The following DCLK1 variants were observed in gnomAD, a reference collection of about 807,000 sequenced individuals.
DCLK1 encodes the protein serine/threonine-protein kinase DCLK1.
A neutral mutation model predicts 86.2 loss-of-function variants in DCLK1; 16 were observed. The observed-to-expected ratio is 0.19, with a 90% CI of 0.13 to 0.28. The LOEUF is 0.28. Ranked by LOEUF, DCLK1 falls within the 10% of genes least tolerant of loss-of-function variation. The pLI is 1.00. For synonymous variants in DCLK1, 369 were observed against 370.5 expected (o/e 1.00, Z 0.05); for missense variants, 590 against 940.2 (o/e 0.63, Z 4.87).
rs1158072305 is a variant in DCLK1 at position 35,879,482 on chromosome 13, C to G, written c.824-8142G>C. Among the ~76,000 whole-genome samples, 3 of 152,200 alleles carry G rather than the reference C, an allele frequency of 2.0e-5. No individual in the cohort carries two copies. In the East Asian group the frequency reaches 5.8e-4, roughly 29 times the overall value. Reference sequence around the variant, plus strand: ...ATGATTCTCCTTTCCAAACCCTTTCCTTTTCCCTAACAGTCACATAAGAGA... The same window carrying G: ...ATGATTCTCCTTTCCAAACCCTTTCGTTTTCCCTAACAGTCACATAAGAGA... On this transcript the variant is annotated intron_variant, in intron 4 of 16. Coordinates refer to ENST00000360631, the MANE Select transcript of DCLK1 (RefSeq NM_001330071.2).
intron 6 of DCLK1, chr13:35,848,181 C>T (rs1384544059): frequency 5.1e-6 from 5 of 985,188 alleles, no homozygotes; most frequent in Non-Finnish European, 4.8e-6. Flanking sequence ...AAGCATTCCC[C>T]GCTCAGTAGA....
intron 5 of DCLK1, among the ~76,000 whole-genome samples, chr13:35,857,849 C>T (rs375085755): frequency 2.0e-4 from 31 of 152,214 alleles, no homozygotes; most frequent in Middle Eastern, 6.8e-3. Flanking sequence ...AGAAAGGAGG[C>T]CAGTGTGGTA....
At chr13:35,865,082 T>C (rs929289406) in intron 5 of DCLK1, among the ~76,000 whole-genome samples, 1 of 152,194 alleles carries the variant, frequency 6.6e-6, no homozygotes, top group African/African-American at 2.4e-5. Flanking sequence ...TAAAGCCAAC[T>C]GAAATTTTAT....
intron 11 of DCLK1, among the ~76,000 whole-genome samples, chr13:35,818,731 T>TA (rs1292727096): frequency 1.3e-5 from 2 of 152,132 alleles, no homozygotes; most frequent in Non-Finnish European, 2.9e-5. Context: ...TGATGGTTTT[T>TA]ATTGCTAAGG....
intron 14 of DCLK1, among the ~76,000 whole-genome samples, chr13:35,806,064 GA>G (rs1456056470): frequency 6.6e-6 from 1 of 151,974 alleles, no homozygotes; most frequent in African/African-American, 2.4e-5. Flanking sequence ...ACAAGTTAAG[GA>G]ATTAATATTC....
intron 6 of DCLK1, among the ~76,000 whole-genome samples, chr13:35,840,291 G>T (rs554318771): frequency 1.4e-4 from 21 of 152,250 alleles, no homozygotes; most frequent in African/African-American, 5.1e-4. Context: ...TTTCATTATG[G>T]TCTACAGTAT....
At chr13:35,883,993 C>T (rs577253078) in intron 4 of DCLK1, among the ~76,000 whole-genome samples, 1 of 152,262 alleles carries the variant, frequency 6.6e-6, no homozygotes, top group South Asian at 2.1e-4. Context: ...TTTAAAAATG[C>T]AGATTCCCTG....
At chr13:36,003,559 A>G (rs111695812) in intron 3 of DCLK1, among the ~76,000 whole-genome samples, 22 of 152,240 alleles carry the variant, frequency 1.4e-4, no homozygotes, top group Non-Finnish European at 2.2e-4. Context: ...AGATTTGCTT[A>G]TAAAGGCTGA....
chr13:35,794,619 G>A (rs377279373), intron 15 of DCLK1, among the ~76,000 whole-genome samples: 6 of 152,180 alleles, frequency 3.9e-5, no homozygotes, highest in East Asian at 1.9e-4. Context: ...ACTACAGTAC[G>A]TGGGGGAGAA....
rs919377986 is a variant in DCLK1, at chr13:35,774,474, G to C, written c.*61C>G. 15 of 1,534,026 alleles carry C rather than the reference G, an allele frequency of 9.8e-6. No individual in the cohort carries two copies. The highest frequency in any genetic ancestry group is 1.2e-5 in the Non-Finnish European group (14 of 1,135,352). ...AGATGAAACTGTTTTACACAAATTT[G>C]GGGGAAAAAAATCTCAGAGTCTCAA... On this transcript the variant is annotated 3_prime_UTR_variant, in exon 17 of 17. Transcript: ENST00000360631.
Position 35,810,912 on chromosome 13 carries a change from G to A in DCLK1, c.1611C>T (p.Ala537=), listed in dbSNP as rs773084272. The A allele has an allele frequency of 1.2e-6, 2 of 1,614,048 alleles. No individual in the cohort carries two copies. Among genetic ancestry groups the A allele is most frequent in the South Asian group, 2.2e-5 (2 of 91,076 alleles). Residue 537 remains alanine (A), a synonymous_variant, in exon 12 of 17, where the codon GCC becomes GCT. Coordinates refer to ENST00000360631, the MANE Select transcript of DCLK1 (RefSeq NM_001330071.2). The part of the protein sequence containing the change: ...KSLKLGDFGL[A]TIVDGPLYTV... ...TGTACAGGGGGCCGTCTACAATGGT[G>A]GCCAGTCCAAAGTCACCCAGCTTCA...
At chr13:35,783,201 G>C (rs1011863075) in intron 16 of DCLK1, among the ~76,000 whole-genome samples, 1 of 152,228 alleles carries the variant, frequency 6.6e-6, no homozygotes, top group African/African-American at 2.4e-5. Context: ...CATTAAAACA[G>C]TTTATGATTC....
At chr13:35,848,766 C>G in intron 6 of DCLK1, 1 of 985,278 alleles carries the variant, frequency 1.0e-6, no homozygotes, top group South Asian at 4.7e-5. Context: ...AGTAACTGTT[C>G]CACTGCTTTC....
chr13:36,002,158 A>G (rs578249355), intron 3 of DCLK1, among the ~76,000 whole-genome samples: 2 of 152,200 alleles, frequency 1.3e-5, no homozygotes, highest in African/African-American at 2.4e-5. Context: ...TGAAGCCTAT[A>G]TAAGCACAGG....
chr13:35,941,187 T>A (rs570474666), intron 4 of DCLK1, among the ~76,000 whole-genome samples: 1 of 151,944 alleles, frequency 6.6e-6, no homozygotes, highest in South Asian at 2.1e-4. Flanking sequence ...AAGTAATCAC[T>A]TTTTTTTGCC....
chr13:35,984,780 A>T (rs1593792857), intron 3 of DCLK1, among the ~76,000 whole-genome samples: 1 of 149,534 alleles, frequency 6.7e-6, no homozygotes, highest in Non-Finnish European at 1.5e-5. Flanking sequence ...TCTCTTCACT[A>T]CCCCCCAGGC....
At chr13:35,902,444 G>C (rs1227483402) in intron 4 of DCLK1, among the ~76,000 whole-genome samples, 3 of 152,142 alleles carry the variant, frequency 2.0e-5, no homozygotes, top group African/African-American at 7.2e-5. Context: ...TATCCTGGCA[G>C]GATAGCATGC....
At chr13:36,104,874 G>C (rs532746828) in intron 3 of DCLK1, among the ~76,000 whole-genome samples, 1 of 152,152 alleles carries the variant, frequency 6.6e-6, no homozygotes, top group East Asian at 1.9e-4. Flanking sequence ...TATGCAAAAT[G>C]ACCAATTCTA....
chr13:35,831,855 A>G (rs1238197059), intron 8 of DCLK1, among the ~76,000 whole-genome samples: 1 of 152,244 alleles, frequency 6.6e-6, no homozygotes, highest in East Asian at 1.9e-4. Flanking sequence ...CAAATTTTAC[A>G]AACTTTAATT....
Sources: gnomAD v4.1 joint callset for allele counts (sites outside exome capture counted in the v4.1 genomes callset) on GRCh38, gnomAD v4.1.1 for gene constraint, MANE v1.5 for transcripts, NCBI Gene and HGNC (gene_info 2026-07-23, HGNC 2026-07-21) for gene names.